Variants in LEPR observed in about 807,000 individuals in gnomAD.
The protein encoded by LEPR is OB receptor.
A neutral mutation model predicts 114.7 loss-of-function variants in LEPR; 56 were observed. That is an observed-to-expected ratio of 0.49 (90% confidence interval 0.39 to 0.61). The LOEUF is 0.61. LEPR is among the 20% of genes least tolerant of loss of function. The pLI is 0.00. For missense variants in LEPR, 1,202 were observed against 1,352.9 expected (o/e 0.89, Z 1.75); for synonymous variants, 443 against 461.4 (o/e 0.96, Z 0.51).
At chr1:65,594,306 C>A (rs1284122981) in intron 6 of LEPR, among the ~76,000 whole-genome samples, 1 of 151,986 alleles carries the variant, frequency 6.6e-6, no homozygotes, top group Non-Finnish European at 1.5e-5. Flanking sequence ...AAACAGAAGA[C>A]CTTTGTGCTA....
chr1:65,605,222 C>T lies in LEPR; in HGVS notation c.1588C>T (p.Leu530Phe). The change falls in exon 11 of 20, where the codon CTT becomes TTT. Residue 530 changes from leucine (L) to phenylalanine (F), a missense_variant. Leu to Phe is a conservative substitution (Grantham distance 22, BLOSUM62 0). Transcript: ENST00000349533. ...GSLDSPPTCVLPDSVVKPLPP... is the reference protein window; with the variant it reads ...GSLDSPPTCVFPDSVVKPLPP... ...ACTTGACTCTCCACCAACATGTGTC[C>T]TTCCTGATTCTGTGGGTATGTCAAG... The T allele has an allele frequency of 6.2e-7, 1 of 1,614,042 alleles. No individual in the cohort carries two copies.
At chr1:65,588,871 A>G (rs1372013342) in intron 5 of LEPR, among the ~76,000 whole-genome samples, 3 of 152,110 alleles carry the variant, frequency 2.0e-5, no homozygotes, top group African/African-American at 7.2e-5. Context: ...TTTGACTGTT[A>G]CAAATGAAGT....
At chr1:65,548,167 G>A (rs1224028510) in intron 2 of LEPR, among the ~76,000 whole-genome samples, 1 of 152,194 alleles carries the variant, frequency 6.6e-6, no homozygotes, top group Non-Finnish European at 1.5e-5. Context: ...ACTGTGGTCT[G>A]AGAGACAGTT....
chr1:65,591,166 A>C (rs971314617), intron 5 of LEPR, among the ~76,000 whole-genome samples: 1 of 151,918 alleles, frequency 6.6e-6, no homozygotes, highest in African/African-American at 2.4e-5. Flanking sequence ...TCTTTCTGTT[A>C]TTGATTTCTG....
At chr1:65,464,454 G>C (rs908578286) in intron 2 of LEPR, among the ~76,000 whole-genome samples, 3 of 152,132 alleles carry the variant, frequency 2.0e-5, no homozygotes, top group Non-Finnish European at 4.4e-5. Context: ...TTTTTGCGTT[G>C]ATGTTCATGA....
At chr1:65,456,038 C>T (rs1264889773) in intron 2 of LEPR, among the ~76,000 whole-genome samples, 6 of 152,148 alleles carry the variant, frequency 3.9e-5, no homozygotes, top group Non-Finnish European at 5.9e-5. Context: ...GGGAGTGACC[C>T]GATTTTCCAG....
chr1:65,556,332 T>A (rs1055992327), intron 2 of LEPR, among the ~76,000 whole-genome samples: 10 of 152,162 alleles, frequency 6.6e-5, no homozygotes, highest in Non-Finnish European at 1.5e-5. Flanking sequence ...TGAAGAAAAC[T>A]GCATTCCAGG....
At chr1:65,500,761 A>G (rs1027264264) in intron 2 of LEPR, among the ~76,000 whole-genome samples, 6 of 152,116 alleles carry the variant, frequency 3.9e-5, no homozygotes, top group African/African-American at 1.4e-4. Flanking sequence ...TGGGGAGTCA[A>G]AAGTTATATG....
intron 5 of LEPR, among the ~76,000 whole-genome samples, chr1:65,590,918 C>G (rs1416599908): frequency 6.6e-6 from 1 of 150,774 alleles, no homozygotes; most frequent in Non-Finnish European, 1.5e-5. Flanking sequence ...AAGACGGAAG[C>G]TGAGGTCATT....
chr1:65,553,541 T>C (rs1652580877), intron 2 of LEPR, among the ~76,000 whole-genome samples: 1 of 152,150 alleles, frequency 6.6e-6, no homozygotes, highest in African/African-American at 2.4e-5. Context: ...TACAAAGTTC[T>C]CATGCTGTGT....
At chr1:65,534,918 G>C (rs1180848110) in intron 2 of LEPR, among the ~76,000 whole-genome samples, 2 of 152,168 alleles carry the variant, frequency 1.3e-5, no homozygotes, top group African/African-American at 4.8e-5. Flanking sequence ...GGACAACTTA[G>C]TTTTTCTCAG....
At chr1:65,425,645 A>G (rs895140088) in intron 2 of LEPR, among the ~76,000 whole-genome samples, 1 of 113,404 alleles carries the variant, frequency 8.8e-6, no homozygotes, top group African/African-American at 3.9e-5. Context: ...CCTGTCCTCA[A>G]AGAGGAGGTA....
Position 65,633,464 on chromosome 1 carries a change from T to A in LEPR, c.2674-2727T>A. On this transcript the variant is annotated intron_variant, in intron 19 of 19. Coordinates refer to ENST00000349533, the MANE Select transcript of LEPR (RefSeq NM_002303.6). This position sits in a 1 kb window ranked among gnomAD's most constrained non-coding sequence, Gnocchi z 4.1. ...GGCTTTTGATTTGTCATATTCCTGG[T>A]CATAAAACATTAAGAAAATTATGGC... 8 of 1,211,586 alleles carry A rather than the reference T, an allele frequency of 6.6e-6. No homozygotes were observed. The highest frequency in any genetic ancestry group is 8.2e-6 in the Non-Finnish European group (8 of 972,988). 75.1% of individuals were successfully genotyped at this position (1,211,586 alleles called of 1,614,324 possible).
chr1:65,570,672 T>C lies in LEPR; in HGVS notation c.240T>C (p.Ser80=), dbSNP rs1222670770. The change falls in exon 4 of 20, where the codon TCT becomes TCC. Residue 80 remains serine, a synonymous_variant. Transcript: ENST00000349533. Reference sequence around the variant, plus strand: ...TTAATTCAAGTGGTACTCACTTTTCTAACTTATCCAAAACAACTTTCCACT... The same window carrying C: ...TTAATTCAAGTGGTACTCACTTTTCCAACTTATCCAAAACAACTTTCCACT... ...PKFNSSGTHF[S]NLSKTTFHCC... 6.2e-7 allele frequency: 1 copy of C among 1,613,976 alleles called. No homozygotes were observed. The highest frequency in any genetic ancestry group is 8.5e-7 in the Non-Finnish European group (1 of 1,179,922).
At chr1:65,483,235 ATACAAATCAATATTGATTTTTC>A (rs374250633) in intron 2 of LEPR, among the ~76,000 whole-genome samples, 12,763 of 152,142 alleles carry the variant, frequency 0.084, 782 homozygotes, top group Non-Finnish European at 0.13. Context: ...GTATTCAGAT[ATACAAATCAATATTGATTTTTC>A]TACAAATCAA....
chr1:65,592,990 G>A, intron 6 of LEPR, 125 bp downstream of exon 6: 2 of 1,039,326 alleles, frequency 1.9e-6, no homozygotes, highest in Admixed American at 4.1e-5. Flanking sequence ...GATGGTAGAT[G>A]TAGTACTGGG....
intron 2 of LEPR, among the ~76,000 whole-genome samples, chr1:65,445,802 C>G (rs1646707082): frequency 6.6e-6 from 1 of 151,376 alleles, no homozygotes; most frequent in Non-Finnish European, 1.5e-5. Flanking sequence ...TTAATCAATT[C>G]TCAATTACAT....
chr1:65,519,239 T>C (rs1291814639), intron 2 of LEPR, among the ~76,000 whole-genome samples: 1 of 151,470 alleles, frequency 6.6e-6, no homozygotes, highest in Non-Finnish European at 1.5e-5. Flanking sequence ...AACCTCCACC[T>C]CCCAGGCTCA....
At chr1:65,593,137 T>C (rs1170507410) in intron 6 of LEPR, among the ~76,000 whole-genome samples, 1 of 151,628 alleles carries the variant, frequency 6.6e-6, no homozygotes, top group Non-Finnish European at 1.5e-5. Flanking sequence ...GGATATCACT[T>C]TTTCACATCT....
Sources: allele counts gnomAD v4.1 joint callset (sites outside exome capture counted in the v4.1 genomes callset), GRCh38; gene constraint gnomAD v4.1.1; non-coding constraint Gnocchi (gnomAD v3.1); transcripts MANE v1.5; gene names NCBI Gene and HGNC (gene_info 2026-07-23, HGNC 2026-07-21).